Variants in LDB2 observed in about 807,000 individuals in gnomAD.
LDB2 encodes the protein LIM domain binding 2.
Under a neutral mutation model 44.3 loss-of-function variants are expected in LDB2, and 12 were observed. That is an observed-to-expected ratio of 0.27 (90% CI 0.17 to 0.44). The LOEUF is 0.44. LDB2 is among the 20% of genes least tolerant of loss of function. LDB2 has a pLI of 1.00. For missense variants in LDB2, 344 were observed against 473.5 expected, an observed-to-expected ratio of 0.73 and a Z score of 2.54; for synonymous variants, 164 against 174.8, an observed-to-expected ratio of 0.94 and a Z score of 0.49.
At chr4:16,785,621 G>A (rs1034363771) in intron 1 of LDB2, among the ~76,000 whole-genome samples, 3 of 152,170 alleles carry the variant, frequency 2.0e-5, no homozygotes, top group African/African-American at 7.2e-5. Context: ...CTCTAGTCAA[G>A]CATGAGAAGT....
chr4:16,534,564 T>C (rs1731147856), intron 5 of LDB2, among the ~76,000 whole-genome samples: 1 of 152,220 alleles, frequency 6.6e-6, no homozygotes. Context: ...TTTATATTTC[T>C]CAAGTAGCTT....
At chr4:16,861,074 G>A (rs1008621057) in intron 1 of LDB2, among the ~76,000 whole-genome samples, 3 of 152,166 alleles carry the variant, frequency 2.0e-5, no homozygotes, top group African/African-American at 7.2e-5. Context: ...TGGACTCTGA[G>A]TCTATGAAGA....
intron 1 of LDB2, among the ~76,000 whole-genome samples, chr4:16,786,993 G>C (rs1246047201): frequency 6.6e-6 from 1 of 152,114 alleles, no homozygotes; most frequent in African/African-American, 2.4e-5. Context: ...TGAAGTTTTA[G>C]GGTGCTGGAA....
intron 2 of LDB2, among the ~76,000 whole-genome samples, chr4:16,689,640 A>T (rs142184055): frequency 2.0e-4 from 30 of 152,272 alleles, no homozygotes; most frequent in Non-Finnish European, 3.5e-4. Context: ...CAGTTTCCTC[A>T]TCTATAATTT....
chr4:16,508,435 A>G (rs1720416328), intron 7 of LDB2, 100 bp downstream of exon 7: 4 of 841,472 alleles, frequency 4.8e-6, no homozygotes, highest in African/African-American at 1.9e-5. Context: ...CCTGCCCAGG[A>G]TTTTTTTTTT....
chr4:16,823,795 A>C (rs1382275436), intron 1 of LDB2, among the ~76,000 whole-genome samples: 1 of 152,240 alleles, frequency 6.6e-6, no homozygotes, highest in Non-Finnish European at 1.5e-5. Context: ...TTCTTCTTCC[A>C]GCCAAGATGA....
At chr4:16,684,416 G>T (rs1748716930) in intron 2 of LDB2, among the ~76,000 whole-genome samples, 1 of 152,126 alleles carries the variant, frequency 6.6e-6, no homozygotes. Flanking sequence ...ATCATAATAA[G>T]AACTAACAAA....
At chr4:16,732,693 G>C (rs1761007141) in intron 2 of LDB2, among the ~76,000 whole-genome samples, 1 of 152,158 alleles carries the variant, frequency 6.6e-6, no homozygotes, top group Admixed American at 6.5e-5. Context: ...TTTGATGAGA[G>C]ATAGCTGAGA....
chr4:16,528,450 A>C (rs1278927449), intron 5 of LDB2, among the ~76,000 whole-genome samples: 1 of 152,256 alleles, frequency 6.6e-6, no homozygotes, highest in Non-Finnish European at 1.5e-5. Context: ...CTAATGGATT[A>C]CAAACATCAT....
intron 2 of LDB2, chr4:16,626,749 C>T (rs1730385648): frequency 6.6e-6 from 1 of 152,036 alleles, no homozygotes; most frequent in South Asian, 2.1e-4. Flanking sequence ...CAAGTGGCTA[C>T]TGATTAGATA....
At chr4:16,609,547 A>T (rs1725034003) in intron 2 of LDB2, among the ~76,000 whole-genome samples, 1 of 152,156 alleles carries the variant, frequency 6.6e-6, no homozygotes. Flanking sequence ...CTTGGTCCCA[A>T]GACGTGTCCC....
In LDB2 at chr4:16,583,111, G is replaced by C. The variant is rs74670102; in HGVS notation, c.615+2811C>G. Among the ~76,000 whole-genome samples the C allele has an allele frequency of 3.4e-4, 52 of 152,184 alleles. No individual in the cohort carries two copies. In the East Asian group the frequency reaches 8.9e-3, roughly 26 times the overall value. On this transcript the variant is annotated intron_variant, in intron 5 of 7. Transcript: ENST00000304523. The stretch of plus-strand genomic sequence containing the variant: ...CCCTCCAACGGTGAGAGCTGCCTTC[G>C]GTCAGCTCTGTGTATTTCCTGACTG...
intron 2 of LDB2, among the ~76,000 whole-genome samples, chr4:16,602,141 A>C (rs548511388): frequency 8.5e-5 from 13 of 152,268 alleles, no homozygotes; most frequent in African/African-American, 3.1e-4. Context: ...CATTTATTTC[A>C]TATATACTTA....
chr4:16,893,559 G>A (rs1268318778), intron 1 of LDB2, among the ~76,000 whole-genome samples: 1 of 151,996 alleles, frequency 6.6e-6, no homozygotes, highest in Non-Finnish European at 1.5e-5. Context: ...GAGCTGAGAA[G>A]GGGTGAAAAC....
chr4:16,562,766 C>T (rs1276384028), intron 5 of LDB2, among the ~76,000 whole-genome samples: 11 of 152,260 alleles, frequency 7.2e-5, no homozygotes, highest in African/African-American at 1.2e-4. Context: ...CACATGCACA[C>T]GTATGTTTAT....
intron 2 of LDB2, among the ~76,000 whole-genome samples, chr4:16,704,957 GA>G (rs756317164): frequency 6.6e-6 from 1 of 152,162 alleles, no homozygotes; most frequent in Non-Finnish European, 1.5e-5. Flanking sequence ...TTCTGTCTAA[GA>G]AGTTATTAAT....
intron 2 of LDB2, among the ~76,000 whole-genome samples, chr4:16,740,934 G>A (rs1396218384): frequency 6.6e-6 from 1 of 152,200 alleles, no homozygotes. Flanking sequence ...CAACTCAGAA[G>A]TGTATGGCTA....
intron 2 of LDB2, among the ~76,000 whole-genome samples, chr4:16,740,646 G>A (rs1353843828): frequency 6.6e-6 from 1 of 152,168 alleles, no homozygotes; most frequent in Non-Finnish European, 1.5e-5. Flanking sequence ...AACCACTTAT[G>A]CTTCTCTCTT....
chr4:16,856,448 G>A (rs958987826), intron 1 of LDB2, among the ~76,000 whole-genome samples: 2 of 152,096 alleles, frequency 1.3e-5, no homozygotes, highest in South Asian at 2.1e-4. Flanking sequence ...CAATCAAGCT[G>A]TGTCCATTAC....
Sources: gnomAD v4.1 joint callset for allele counts (sites outside exome capture counted in the v4.1 genomes callset) on GRCh38, gnomAD v4.1.1 for gene constraint, MANE v1.5 for transcripts, NCBI Gene and HGNC (gene_info 2026-07-23, HGNC 2026-07-21) for gene names.